The following DLG2 variants were observed in gnomAD, a reference collection of about 807,000 sequenced individuals.
The protein encoded by DLG2 is discs large MAGUK scaffold protein 2.
Under a neutral mutation model 132.5 loss-of-function variants are expected in DLG2, and 45 were observed. The observed-to-expected ratio is 0.34, with a 90% CI of 0.27 to 0.44. DLG2 has a LOEUF of 0.44. DLG2 is among the 20% of genes least tolerant of loss of function. The pLI is 1.00. For synonymous variants in DLG2, 424 were observed against 419.6 expected (o/e 1.01, Z -0.13); for missense variants, 1,045 against 1,196.9 (o/e 0.87, Z 1.87).
At chr11:83,509,216 A>C (rs1480683927) in intron 21 of DLG2, among the ~76,000 whole-genome samples, 1 of 152,194 alleles carries the variant, frequency 6.6e-6, no homozygotes, top group Non-Finnish European at 1.5e-5. Context: ...CTTGCTAATA[A>C]GTTTGATTCA....
intron 11 of DLG2, among the ~76,000 whole-genome samples, chr11:84,058,516 A>AATAATAATAATC (rs2096541331): frequency 6.8e-6 from 1 of 146,778 alleles, no homozygotes; most frequent in Admixed American, 6.8e-5. Flanking sequence ...CAATAATAAT[A>AATAATAATAATC]ATAATAATAA....
At chr11:83,839,268 T>C (rs186043654) in intron 16 of DLG2, among the ~76,000 whole-genome samples, 3 of 152,304 alleles carry the variant, frequency 2.0e-5, no homozygotes, top group African/African-American at 7.2e-5. Flanking sequence ...AACAGAATTT[T>C]ATATTATAGT....
chr11:83,559,382 A>G (rs2096572960), intron 19 of DLG2, among the ~76,000 whole-genome samples: 1 of 152,168 alleles, frequency 6.6e-6, no homozygotes, highest in South Asian at 2.1e-4. Flanking sequence ...GTGTGTATCA[A>G]CAGCCTTCAG....
At chr11:83,884,739 T>A (rs1231983179) in intron 15 of DLG2, among the ~76,000 whole-genome samples, 1 of 152,142 alleles carries the variant, frequency 6.6e-6, no homozygotes, top group East Asian at 1.9e-4. Flanking sequence ...GATACTCCTC[T>A]GAGACAAAAC....
rs149519870 is a variant in DLG2, at chr11:85,384,591, A to C, written c.41-99226T>G. On this transcript the variant is annotated intron_variant, in intron 3 of 27. Transcript: ENST00000376104. ...GTTTTTTTGTTTGTTTGTTTTGAGA[A>C]ACAGTCTCACTCTGTTTCCCACGCT... is the stretch of plus-strand genomic sequence containing the variant. Among the ~76,000 whole-genome samples the C allele has an allele frequency of 2.9e-3, 444 of 152,242 alleles. 1 individual carries two copies. The highest frequency in any genetic ancestry group is 0.01 in the African/African-American group (430 of 41,548).
At chr11:83,732,310 T>C (rs1385722009) in intron 18 of DLG2, among the ~76,000 whole-genome samples, 2 of 152,168 alleles carry the variant, frequency 1.3e-5, no homozygotes, top group Non-Finnish European at 2.9e-5. Flanking sequence ...TAATTTTGGG[T>C]AACATTCTCC....
intron 4 of DLG2, among the ~76,000 whole-genome samples, chr11:85,220,984 T>G (rs2074599416): frequency 1.3e-5 from 2 of 152,062 alleles, no homozygotes; most frequent in Non-Finnish European, 2.9e-5. Flanking sequence ...AGTTTCTCAT[T>G]TGGTGCTACC....
chr11:84,148,059 A>G (rs1346222005), intron 9 of DLG2, among the ~76,000 whole-genome samples: 1 of 152,186 alleles, frequency 6.6e-6, no homozygotes, highest in African/African-American at 2.4e-5. Flanking sequence ...ATGAACGGTC[A>G]TTCAGGAAGT....
intron 3 of DLG2, among the ~76,000 whole-genome samples, chr11:85,417,055 T>C (rs2089926043): frequency 6.6e-6 from 1 of 152,182 alleles, no homozygotes; most frequent in Non-Finnish European, 1.5e-5. Flanking sequence ...CTTTTGGCCA[T>C]TCAGTATGAT....
At chr11:83,953,453 G>A (rs1426879753) in intron 14 of DLG2, among the ~76,000 whole-genome samples, 1 of 152,164 alleles carries the variant, frequency 6.6e-6, no homozygotes, top group African/African-American at 2.4e-5. Flanking sequence ...TTGAATGACT[G>A]ATGATCTGAG....
chr11:84,300,635 G>T (rs893318906), intron 7 of DLG2, among the ~76,000 whole-genome samples: 1 of 152,198 alleles, frequency 6.6e-6, no homozygotes, highest in South Asian at 2.1e-4. Context: ...ATTGCCAACT[G>T]GGCATAGTAA....
chr11:84,494,111 C>A (rs773447577), intron 7 of DLG2, among the ~76,000 whole-genome samples: 1 of 152,120 alleles, frequency 6.6e-6, no homozygotes, highest in Non-Finnish European at 1.5e-5. Context: ...TGTTTCAATA[C>A]CCATCATTAA....
intron 6 of DLG2, among the ~76,000 whole-genome samples, chr11:84,676,242 C>G (rs543527013): frequency 6.6e-6 from 1 of 152,058 alleles, no homozygotes; most frequent in African/African-American, 2.4e-5. Context: ...AAAAGAAGAC[C>G]ATCCTGGATG....
Position 84,897,278 on chromosome 11 carries a change from T to A in DLG2, c.357+214383A>T, listed in dbSNP as rs567077574. Reference sequence around the variant, plus strand: ...TTTATGGTCTATATGGGTAATTCATTCATTTTTACCACTACATAGTATCCA... The same window carrying A: ...TTTATGGTCTATATGGGTAATTCATACATTTTTACCACTACATAGTATCCA... On this transcript the variant is annotated intron_variant, in intron 6 of 27. Coordinates refer to ENST00000376104, the MANE Select transcript of DLG2 (RefSeq NM_001142699.3). Among the ~76,000 whole-genome samples, 35 of 152,052 alleles carry A rather than the reference T, an allele frequency of 2.3e-4. 1 individual carries two copies. In the South Asian group the frequency reaches 7.2e-3, roughly 31 times the overall value.
intron 3 of DLG2, among the ~76,000 whole-genome samples, chr11:85,307,489 T>G (rs938015430): frequency 1.3e-5 from 2 of 152,216 alleles, no homozygotes; most frequent in African/African-American, 4.8e-5. Flanking sequence ...ATGGAAATCT[T>G]TCTTCAAGCA....
intron 11 of DLG2, among the ~76,000 whole-genome samples, chr11:84,038,993 C>T (rs964503917): frequency 1.8e-4 from 28 of 152,016 alleles, no homozygotes; most frequent in African/African-American, 6.5e-4. Flanking sequence ...TCCCATGACA[C>T]GTGGGCATTA....
Position 85,013,850 on chromosome 11 carries a change from C to A in DLG2, c.357+97811G>T, listed in dbSNP as rs534088981. ...TGTGAGCAGCAGTTAGGGTTTATAG[C>A]AAAATGGTTATTTTTTTAAGGTGCA... On this transcript the variant is annotated intron_variant, in intron 6 of 27. Coordinates refer to ENST00000376104, the MANE Select transcript of DLG2 (RefSeq NM_001142699.3). Among the ~76,000 whole-genome samples, 3 of 152,126 alleles carry A rather than the reference C, an allele frequency of 2.0e-5. No homozygotes were observed. The South Asian group carries it at 6.2e-4, about 32-fold the overall frequency.
intron 8 of DLG2, among the ~76,000 whole-genome samples, chr11:84,190,018 G>A (rs1427279154): frequency 6.6e-6 from 1 of 151,894 alleles, no homozygotes; most frequent in Non-Finnish European, 1.5e-5. Context: ...GGAGACTAGT[G>A]TGAAGGACAA....
intron 12 of DLG2, among the ~76,000 whole-genome samples, chr11:83,978,965 T>C (rs1001881062): frequency 1.3e-5 from 2 of 152,156 alleles, no homozygotes; most frequent in Admixed American, 6.6e-5. Flanking sequence ...CATATGACTA[T>C]GGGCAAGTCA....
Sources: gnomAD v4.1 joint callset for allele counts (sites outside exome capture counted in the v4.1 genomes callset) on GRCh38, gnomAD v4.1.1 for gene constraint, MANE v1.5 for transcripts, NCBI Gene and HGNC (gene_info 2026-07-23, HGNC 2026-07-21) for gene names.